Variants in RIMS1 observed in about 807,000 individuals in gnomAD.
RIMS1 encodes regulating synaptic membrane exocytosis 1.
A neutral mutation model predicts 214.1 loss-of-function variants in RIMS1; 83 were observed. That is an observed-to-expected ratio of 0.39 (90% CI 0.32 to 0.47). The LOEUF is 0.47. Ranked by LOEUF, RIMS1 falls within the 20% of genes least tolerant of loss-of-function variation. RIMS1 has a pLI of 0.99. For synonymous variants in RIMS1, 793 were observed against 786.8 expected, an observed-to-expected ratio of 1.01 and a Z score of -0.13; for missense variants, 2,050 against 2,161.8, an observed-to-expected ratio of 0.95 and a Z score of 1.03.
At position 72,264,725 on chromosome 6, in the gene RIMS1, T is replaced by C. The variant is rs1015685580; in HGVS notation, c.3117-250T>C. On this transcript the variant is annotated intron_variant, in intron 19 of 33. Transcript: ENST00000521978. ...TCAATGATAATTCATAGAGTTTGGTTAGCAGGTATTTTTCTAATTCAGATA... is the reference window on the plus strand; with the variant it reads ...TCAATGATAATTCATAGAGTTTGGTCAGCAGGTATTTTTCTAATTCAGATA... Among the ~76,000 whole-genome samples the C allele has an allele frequency of 8.5e-5, 13 of 152,298 alleles. No homozygotes were observed. In the East Asian group the frequency reaches 2.3e-3, roughly 27 times the overall value.
intron 2 of RIMS1, among the ~76,000 whole-genome samples, chr6:72,033,137 C>A (rs917490831): frequency 6.6e-6 from 1 of 152,200 alleles, no homozygotes; most frequent in East Asian, 1.9e-4. Flanking sequence ...CTGGATGTTG[C>A]ATTTTCCAGA....
chr6:72,129,007 G>T (rs1587720935), intron 4 of RIMS1, among the ~76,000 whole-genome samples: 3 of 152,040 alleles, frequency 2.0e-5, no homozygotes, highest in Non-Finnish European at 4.4e-5. Flanking sequence ...CATAATTATT[G>T]TTCCCATTTC....
chr6:72,245,916 G>A, intron 11 of RIMS1, 55 bp downstream of exon 11: 1 of 1,261,440 alleles, frequency 7.9e-7, no homozygotes, highest in Non-Finnish European at 1.2e-6. Context: ...TGAAAGTAAA[G>A]ATTTCTAATT....
Position 72,179,871 on chromosome 6 carries a change from G to A in RIMS1, c.768G>A (p.Gln256=), listed in dbSNP as rs1406828139. ...CGCAGCAAGCCTTGGGGCCTGAACA[G>A]AAGCAGGCTTCATCCAGGTCTAGAA... ...EPSQQALGPE[Q]KQASSRSRSE... is the part of the protein sequence containing the mutation. Residue 256 remains glutamine (Q), a synonymous_variant, in exon 5 of 34, where the codon CAG becomes CAA. Transcript: ENST00000521978. 1.9e-6 allele frequency: 3 copies of A among 1,582,144 alleles called. No individual in the cohort carries two copies. In the South Asian group the frequency reaches 3.5e-5, roughly 18 times the overall value.
chr6:71,992,404 C>CTCTCTTTCTTTCTTTCTTTCTT (rs1252103778), intron 2 of RIMS1, among the ~76,000 whole-genome samples: 5 of 110,076 alleles, frequency 4.5e-5, no homozygotes, highest in Admixed American at 3.9e-4. Context: ...TTCTCTCTCT[C>CTCTCTTTCTTTCTTTCTTTCTT]TCTTTCTTTC....
intron 29 of RIMS1, among the ~76,000 whole-genome samples, chr6:72,358,492 A>C (rs2097717839): frequency 6.6e-6 from 1 of 152,170 alleles, no homozygotes; most frequent in Admixed American, 6.6e-5. Flanking sequence ...GCTTTGATAA[A>C]TTCAACAGAA....
chr6:72,060,403 A>G (rs1035460915), intron 2 of RIMS1, among the ~76,000 whole-genome samples: 4 of 152,136 alleles, frequency 2.6e-5, no homozygotes, highest in Non-Finnish European at 5.9e-5. Context: ...TAAGTGTGCC[A>G]TTCTCCCACT....
At chr6:72,250,895 A>G in intron 13 of RIMS1, 26 bp from the exon 14 acceptor site, 2 of 1,387,372 alleles carry the variant, frequency 1.4e-6, no homozygotes, top group Non-Finnish European at 1.9e-6. Flanking sequence ...TTGCTTTTTC[A>G]TTTACAAAAC....
chr6:71,968,588 A>ATTT (rs1269975654), intron 1 of RIMS1, among the ~76,000 whole-genome samples: 1 of 152,202 alleles, frequency 6.6e-6, no homozygotes, highest in African/African-American at 2.4e-5. Flanking sequence ...TTTTAGTAAA[A>ATTT]TAGCAAAAGT....
chr6:72,184,780 CA>C (rs1020994371), intron 6 of RIMS1, among the ~76,000 whole-genome samples: 3 of 150,648 alleles, frequency 2.0e-5, no homozygotes, highest in Non-Finnish European at 2.9e-5. Flanking sequence ...AAAAAAGTGC[CA>C]AAAAGGACAT....
intron 29 of RIMS1, among the ~76,000 whole-genome samples, chr6:72,383,420 A>G (rs1476590998): frequency 5.3e-5 from 8 of 151,852 alleles, no homozygotes; most frequent in East Asian, 1.9e-4. Context: ...AACCACAACA[A>G]TTTTTTTTAA....
intron 4 of RIMS1, among the ~76,000 whole-genome samples, chr6:72,165,519 A>G (rs747334925): frequency 2.6e-5 from 4 of 151,846 alleles, no homozygotes; most frequent in East Asian, 1.9e-4. Flanking sequence ...CTTTATATCT[A>G]TCTGTGTGTG....
intron 2 of RIMS1, among the ~76,000 whole-genome samples, chr6:71,987,927 GGCATTT>G (rs1273487631): frequency 6.6e-6 from 1 of 152,110 alleles, no homozygotes. Flanking sequence ...TTGATGAGAA[GGCATTT>G]GCATTTGAAC....
Position 72,250,336 on chromosome 6 carries a change from T to C in RIMS1, c.2248T>C (p.Leu750=), listed in dbSNP as rs1361646644. The change falls in exon 13 of 34, where the codon TTG becomes CTG. Residue 750 remains leucine, a synonymous_variant. Transcript: ENST00000521978. ...CTTTCCTCATTGCTCCTAGGTGAAG[T>C]TGTGGTATGATAAAGTGGGACACCA... ...QVLPGQLSVK[L]WYDKVGHQLI... The C allele has an allele frequency of 1.9e-6, 3 of 1,607,272 alleles. No individual in the cohort carries two copies. The highest frequency in any genetic ancestry group is 2.5e-6 in the Non-Finnish European group (3 of 1,177,384).
chr6:72,039,294 A>T (rs1182710511), intron 2 of RIMS1, among the ~76,000 whole-genome samples: 3 of 152,146 alleles, frequency 2.0e-5, no homozygotes, highest in Non-Finnish European at 2.9e-5. Context: ...ATTCTTATAT[A>T]TTTTTGGCAA....
intron 2 of RIMS1, among the ~76,000 whole-genome samples, chr6:72,028,823 A>G (rs893840229): frequency 2.6e-5 from 4 of 152,198 alleles, no homozygotes; most frequent in African/African-American, 7.2e-5. Flanking sequence ...CTGTGTAAAG[A>G]TGGAGATTCA....
intron 2 of RIMS1, among the ~76,000 whole-genome samples, chr6:72,076,162 A>G (rs559132452): frequency 2.4e-4 from 36 of 152,334 alleles, no homozygotes; most frequent in Non-Finnish European, 3.7e-4. Flanking sequence ...ACACTATGCT[A>G]AGTCCTTTAC....
chr6:71,981,743 G>A (rs553866062), intron 2 of RIMS1, among the ~76,000 whole-genome samples: 96 of 152,150 alleles, frequency 6.3e-4, no homozygotes, highest in Non-Finnish European at 8.2e-4. Flanking sequence ...GCAGTAAGTC[G>A]TATGCTATCT....
chr6:72,122,841 A>T lies in RIMS1; in HGVS notation c.471+22855A>T, dbSNP rs191816274. On this transcript the variant is annotated intron_variant, in intron 4 of 33. Coordinates refer to ENST00000521978, the MANE Select transcript of RIMS1 (RefSeq NM_014989.7). ...GGTGATATCCCCTTTATCATTTTTT[A>T]TTGCATATATTTGATTCTTCTCTCT... Among the ~76,000 whole-genome samples the T allele has an allele frequency of 5.7e-3, 857 of 151,646 alleles. 14 individuals carry two copies. The highest frequency in any genetic ancestry group is 0.031 in the East Asian group (162 of 5,168).
Sources: allele counts gnomAD v4.1 joint callset (sites outside exome capture counted in the v4.1 genomes callset), GRCh38; gene constraint gnomAD v4.1.1; transcripts MANE v1.5; gene names NCBI Gene and HGNC (gene_info 2026-07-23, HGNC 2026-07-21).